FBXO16: variants seen among roughly 807,000 people sequenced by gnomAD.
The protein encoded by FBXO16 is F-box only protein 16.
A neutral mutation model predicts 41.0 loss-of-function variants in FBXO16; 31 were observed. The observed-to-expected ratio is 0.76, with a 90% CI of 0.57 to 1.02. The LOEUF (loss-of-function observed/expected upper bound fraction) is 1.02, where lower values mean the gene tolerates loss of function less well. Among genes scored for constraint, FBXO16 ranks in the 50% least tolerant of loss-of-function variants. FBXO16 has a pLI of 0.00. For missense variants in FBXO16, 361 were observed against 346.2 expected (o/e 1.04, Z -0.34); for synonymous variants, 133 against 117.8 (o/e 1.13, Z -0.84).
At chr8:28,456,351 C>T (rs1359841205) in intron 5 of FBXO16, among the ~76,000 whole-genome samples, 1 of 152,138 alleles carries the variant, frequency 6.6e-6, no homozygotes, top group African/African-American at 2.4e-5. Flanking sequence ...ATAAACGATA[C>T]AAAAATAAAC....
intron 7 of FBXO16, among the ~76,000 whole-genome samples, chr8:28,437,109 A>G (rs964275061): frequency 7.9e-5 from 12 of 152,370 alleles, no homozygotes; most frequent in African/African-American, 2.9e-4. Context: ...TGTTATAACA[A>G]ATACGTATAT....
intron 1 of FBXO16, among the ~76,000 whole-genome samples, chr8:28,485,128 G>T (rs1418168936): frequency 6.6e-6 from 1 of 152,080 alleles, no homozygotes; most frequent in East Asian, 1.9e-4. Flanking sequence ...GGGCCTGCTC[G>T]CCTGATCAAT....
At chr8:28,465,627 A>AT (rs1178291636) in intron 3 of FBXO16, among the ~76,000 whole-genome samples, 1 of 152,086 alleles carries the variant, frequency 6.6e-6, no homozygotes, top group Non-Finnish European at 1.5e-5. Context: ...AAAATAAAAA[A>AT]AAAATAAAAA....
At chr8:28,476,034 C>G (rs912111548) in intron 2 of FBXO16, among the ~76,000 whole-genome samples, 1 of 152,200 alleles carries the variant, frequency 6.6e-6, no homozygotes, top group Non-Finnish European at 1.5e-5. Context: ...TCCAGCCTTA[C>G]ATTCTTGATG....
intron 5 of FBXO16, 196 bp downstream of exon 5, chr8:28,456,570 C>A (rs1803041611): frequency 1.7e-6 from 1 of 590,248 alleles, no homozygotes; most frequent in African/African-American, 1.9e-5. Flanking sequence ...TTGGGAGTGG[C>A]AAATGAGGGC....
At chr8:28,459,604 G>A (rs1415897760) in intron 4 of FBXO16, among the ~76,000 whole-genome samples, 1 of 145,560 alleles carries the variant, frequency 6.9e-6, no homozygotes, top group Non-Finnish European at 1.5e-5. Flanking sequence ...TGGGCGACAA[G>A]AGCGAGACCC....
Position 28,463,768 on chromosome 8 carries a change from C to A in FBXO16, c.186G>T (p.Leu62Phe). The change falls in exon 4 of 9, where the codon TTG becomes TTT. Residue 62 changes from leucine (L) to phenylalanine (F), a missense_variant. Transcript: ENST00000380254. Reference protein sequence around the residue: ...SQRRRILTGLLERCSLSQQKF... With the variant: ...SQRRRILTGLFERCSLSQQKF... ...TTTGCTGGGACAGCGAGCAGCGCTC[C>A]AACAGGCCTGTGAGGATTCTTCTTC... is the stretch of plus-strand genomic sequence containing the variant. 2 of 1,614,090 alleles carry A rather than the reference C, an allele frequency of 1.2e-6. No homozygotes were observed. The highest frequency in any genetic ancestry group is 1.7e-6 in the Non-Finnish European group (2 of 1,179,956).
chr8:28,488,928 C>T (rs1272386892), intron 1 of FBXO16, among the ~76,000 whole-genome samples: 1 of 152,154 alleles, frequency 6.6e-6, no homozygotes, highest in East Asian at 1.9e-4. Context: ...TGAGAACGTG[C>T]CACACAACTC....
Position 28,456,869 on chromosome 8 carries a change from C to T in FBXO16, c.404G>A (p.Arg135Gln), listed in dbSNP as rs142374198. The change falls in exon 5 of 9, where the codon CGG becomes CAG. Residue 135 changes from arginine to glutamine, a missense_variant. Physicochemically the swap from Arg to Gln is conservative, Grantham distance 43 (BLOSUM62 1). Coordinates refer to ENST00000380254, the MANE Select transcript of FBXO16 (RefSeq NM_172366.4). Reference protein sequence around the residue: ...LDQLWMLKCLRFNWYINFSPT... With the variant: ...LDQLWMLKCLQFNWYINFSPT... The stretch of plus-strand genomic sequence containing the variant: ...AGAGAAATTGATGTACCAGTTAAAC[C>T]GTAAACATTTCAGCATCCAGAGCTG... The T allele has an allele frequency of 1.1e-5, 18 of 1,614,138 alleles. No homozygotes were observed. The highest frequency in any genetic ancestry group is 1.6e-4 in the Middle Eastern group (1 of 6,062).
intron 2 of FBXO16, among the ~76,000 whole-genome samples, chr8:28,479,809 C>A (rs1320878134): frequency 6.6e-6 from 1 of 152,158 alleles, no homozygotes; most frequent in African/African-American, 2.4e-5. Flanking sequence ...CAACCTCCAA[C>A]TCCTGGGCTC....
At chr8:28,467,133 A>G (rs762963983) in intron 3 of FBXO16, among the ~76,000 whole-genome samples, 6 of 152,054 alleles carry the variant, frequency 3.9e-5, no homozygotes, top group African/African-American at 9.7e-5. Flanking sequence ...GGGCAGTGCT[A>G]TGTGAGTCTG....
At chr8:28,474,361 AAAGAAGAAAAGAAAAAAT>A (rs1332149814) in intron 2 of FBXO16, among the ~76,000 whole-genome samples, 1 of 146,218 alleles carries the variant, frequency 6.8e-6, no homozygotes, top group African/African-American at 2.5e-5. Flanking sequence ...AAAGAGAGAG[AAAGAAGAAAAGAAAAAAT>A]GAAAGAAAAG....
chr8:28,449,315 C>CT (rs59021779), intron 6 of FBXO16, among the ~76,000 whole-genome samples: 2,087 of 94,710 alleles, frequency 0.022, 68 homozygotes, highest in African/African-American at 0.046. Flanking sequence ...ATGTAGACTT[C>CT]TTTTTTTTTT....
intron 8 of FBXO16, 53 bp downstream of exon 8, chr8:28,429,325 C>T (rs1231332693): frequency 5.7e-6 from 9 of 1,592,532 alleles, no homozygotes; most frequent in Admixed American, 3.3e-5. Flanking sequence ...TACATGCACA[C>T]GATCTCTCTA....
At chr8:28,454,457 G>A (rs1379669115) in intron 5 of FBXO16, among the ~76,000 whole-genome samples, 5 of 151,592 alleles carry the variant, frequency 3.3e-5, no homozygotes, top group African/African-American at 9.8e-5. Flanking sequence ...GGCCGGGCGC[G>A]GTGGCTGAAG....
chr8:28,460,794 C>T (rs925550001), intron 4 of FBXO16, among the ~76,000 whole-genome samples: 3 of 152,024 alleles, frequency 2.0e-5, no homozygotes, highest in Non-Finnish European at 2.9e-5. Flanking sequence ...GAGTACAGTG[C>T]TGCAATCTTG....
intron 7 of FBXO16, among the ~76,000 whole-genome samples, chr8:28,432,873 A>G (rs891257464): frequency 2.0e-5 from 3 of 152,102 alleles, no homozygotes; most frequent in African/African-American, 7.2e-5. Context: ...CCTAGCAAAC[A>G]TGGTGAAACC....
intron 1 of FBXO16, among the ~76,000 whole-genome samples, chr8:28,487,519 G>A (rs1423378177): frequency 4.7e-5 from 7 of 147,476 alleles, no homozygotes; most frequent in South Asian, 2.2e-4. Flanking sequence ...TCAGGCTCCC[G>A]AGTAGCTGGG....
At chr8:28,468,593 G>T (rs924729636) in intron 3 of FBXO16, among the ~76,000 whole-genome samples, 1 of 152,176 alleles carries the variant, frequency 6.6e-6, no homozygotes, top group African/African-American at 2.4e-5. Flanking sequence ...ACTTTGAAAG[G>T]CCAACACGGA....
Sources: gnomAD v4.1 joint callset for allele counts (sites outside exome capture counted in the v4.1 genomes callset) on GRCh38, gnomAD v4.1.1 for gene constraint, MANE v1.5 for transcripts, NCBI Gene and HGNC (gene_info 2026-07-23, HGNC 2026-07-21) for gene names.